The following PSMD9 variants were observed in gnomAD, a reference collection of about 807,000 sequenced individuals.
PSMD9 encodes proteasome 26S subunit, non-ATPase 9, also known as 26S proteasome non-ATPase regulatory subunit 9.
A neutral mutation model predicts 25.9 loss-of-function variants in PSMD9; 26 were observed. The observed-to-expected ratio is 1.00, with a 90% CI of 0.73 to 1.39. The LOEUF (loss-of-function observed/expected upper bound fraction) is 1.39. Ranked by LOEUF, PSMD9 falls within the 40% of genes most tolerant of loss-of-function variation. The pLI, the probability that PSMD9 is intolerant of heterozygous loss-of-function variation, is 0.00. For synonymous variants in PSMD9, 110 were observed against 114.5 expected (o/e 0.96, Z 0.25); for missense variants, 303 against 299.3 (o/e 1.01, Z -0.09).
chr12:121,899,917 G>T (rs1879342663), intron 3 of PSMD9, 72 bp downstream of exon 3: 4 of 1,538,504 alleles, frequency 2.6e-6, no homozygotes, highest in East Asian at 2.3e-5. Context: ...CGGGGATGTG[G>T]AAAGACAGAC....
At chr12:121,889,067 C>T in intron 1 of PSMD9, 73 bp downstream of exon 1, 2 of 1,515,230 alleles carry the variant, frequency 1.3e-6, no homozygotes, top group Non-Finnish European at 1.8e-6. Context: ...GATGCCAGGG[C>T]GGCCTCAGTT....
rs998959009 is a variant in PSMD9 at position 121,917,578 on chromosome 12, G to A, written c.*1267G>A. Reference sequence around the variant, plus strand: ...CTGCCAGGCAAGCCCTGTGTTCCTTGGGACTGGTTTTGCTGTGGTTGGATA... The same window carrying A: ...CTGCCAGGCAAGCCCTGTGTTCCTTAGGACTGGTTTTGCTGTGGTTGGATA... On this transcript the variant is annotated 3_prime_UTR_variant, in exon 6 of 6. Transcript: ENST00000541212. 12 of 152,216 alleles carry A rather than the reference G, an allele frequency of 7.9e-5. 1 individual carries two copies. In the East Asian group the frequency reaches 2.3e-3, roughly 29 times the overall value. The allele number at this position is 152,216 out of a possible 1,614,324, so 9.4% of individuals were successfully genotyped here.
rs371880805 is a variant in PSMD9, at chr12:121,909,338, G to T, written c.555+6231G>T. Reference sequence around the variant, plus strand: ...CCTTTTTTTTTTTTTTTAGGACAGGGTCTCTCGCTCTGCTGCCCAGGCTGG... The same window carrying T: ...CCTTTTTTTTTTTTTTTAGGACAGGTTCTCTCGCTCTGCTGCCCAGGCTGG... On this transcript the variant is annotated intron_variant, in intron 4 of 5. Transcript: ENST00000541212. Among the ~76,000 whole-genome samples the T allele has an allele frequency of 3.5e-4, 53 of 150,920 alleles. 1 individual carries two copies. The East Asian group carries it at 6.2e-3, about 18-fold the overall frequency.
chr12:121,900,755 G>A (rs562486036), intron 3 of PSMD9, among the ~76,000 whole-genome samples: 7 of 151,044 alleles, frequency 4.6e-5, no homozygotes, highest in Admixed American at 3.3e-4. Flanking sequence ...GGAGGCTTAG[G>A]TGGGCGATCA....
chr12:121,905,135 A>G (rs1342382641), intron 4 of PSMD9, among the ~76,000 whole-genome samples: 1 of 151,756 alleles, frequency 6.6e-6, no homozygotes, highest in Non-Finnish European at 1.5e-5. Context: ...CAGAGCTGCC[A>G]GTTGATTTTA....
At chr12:121,893,991 G>A (rs1011328586) in intron 1 of PSMD9, 10 of 152,082 alleles carry the variant, frequency 6.6e-5, no homozygotes, top group African/African-American at 2.2e-4. Flanking sequence ...GGAAGCTGAG[G>A]CTTAGAGAGG....
chr12:121,913,082 G>T (rs1351090405), intron 4 of PSMD9, among the ~76,000 whole-genome samples: 5 of 151,668 alleles, frequency 3.3e-5, no homozygotes, highest in Non-Finnish European at 7.4e-5. Context: ...GACTACAGGC[G>T]TCCACCACCA....
intron 2 of PSMD9, among the ~76,000 whole-genome samples, chr12:121,896,198 G>C (rs774072947): frequency 6.6e-6 from 1 of 152,014 alleles, no homozygotes; most frequent in African/African-American, 2.4e-5. Flanking sequence ...GGCCGGGTGC[G>C]GTGGCTCATG....
chr12:121,911,445 C>T (rs931387999), intron 4 of PSMD9, among the ~76,000 whole-genome samples: 4 of 152,152 alleles, frequency 2.6e-5, no homozygotes, highest in African/African-American at 9.7e-5. Context: ...TATGTATACA[C>T]CACATTATTT....
chr12:121,912,962 AG>A (rs1431599173), intron 4 of PSMD9, among the ~76,000 whole-genome samples: 3 of 129,028 alleles, frequency 2.3e-5, no homozygotes, highest in Admixed American at 8.3e-5. Context: ...TTTGAGACGG[AG>A]TCTCGCTCTG....
chr12:121,905,040 A>T (rs966534351), intron 4 of PSMD9, among the ~76,000 whole-genome samples: 4 of 151,870 alleles, frequency 2.6e-5, no homozygotes, highest in Non-Finnish European at 5.9e-5. Context: ...AGCCATCACA[A>T]TTGTACATTT....
chr12:121,890,273 A>G lies in PSMD9; in HGVS notation c.138+1279A>G, dbSNP rs1879028926. 2.0e-5 allele frequency among the ~76,000 whole-genome samples: 3 copies of G among 152,126 alleles called. No homozygotes were observed. The South Asian group carries it at 6.2e-4, about 32-fold the overall frequency. On this transcript the variant is annotated intron_variant, in intron 1 of 5. Transcript: ENST00000541212. ...AACCATTTTACTGGGTGCTGACTAT[A>G]TGCTCAAAGTGGGATTCAGACTTCA...
At chr12:121,902,102 T>G (rs1367615951) in intron 3 of PSMD9, 2 of 152,254 alleles carry the variant, frequency 1.3e-5, no homozygotes, top group African/African-American at 4.8e-5. Context: ...CGAAGCATGT[T>G]GCTGCGAACA....
At chr12:121,912,302 A>G (rs1343991168) in intron 4 of PSMD9, among the ~76,000 whole-genome samples, 1 of 152,040 alleles carries the variant, frequency 6.6e-6, no homozygotes, top group Non-Finnish European at 1.5e-5. Context: ...AAGTGCTGCT[A>G]TTATAGGCGT....
intron 1 of PSMD9, among the ~76,000 whole-genome samples, chr12:121,892,422 CG>C (rs1879111005): frequency 6.6e-6 from 1 of 151,866 alleles, no homozygotes; most frequent in South Asian, 2.1e-4. Context: ...AATTAAAGGC[CG>C]GGCATGGTGG....
chr12:121,909,977 C>A (rs1269320185), intron 4 of PSMD9, among the ~76,000 whole-genome samples: 1 of 152,022 alleles, frequency 6.6e-6, no homozygotes, highest in African/African-American at 2.4e-5. Context: ...GCCAGTGCAC[C>A]TTCTCTCAAG....
rs563939839 is a variant in PSMD9 at position 121,901,666 on chromosome 12, C to CTTT, written c.454-1315_454-1313dup. On this transcript the variant is annotated intron_variant, in intron 3 of 5. Coordinates refer to ENST00000541212, the MANE Select transcript of PSMD9 (RefSeq NM_002813.7). ...TGTCATGCCTGGCCCTTCATTCCTTCTTTTTTTTTTTTTTTTTTTTTTTTT... is the reference window on the plus strand; with the variant it reads ...TGTCATGCCTGGCCCTTCATTCCTTCTTTTTTTTTTTTTTTTTTTTTTTTTTTT... 9.4e-3 allele frequency among the ~76,000 whole-genome samples: 884 copies of CTTT among 93,562 alleles called. 185 individuals are homozygous for CTTT. The highest frequency in any genetic ancestry group is 0.046 in the African/African-American group (773 of 16,962). The allele number at this position is 93,562 out of a possible 152,430, so 61.4% of individuals were successfully genotyped here.
chr12:121,916,053 C>A, intron 5 of PSMD9, 109 bp downstream of exon 5: 1 of 1,284,930 alleles, frequency 7.8e-7, no homozygotes, highest in African/African-American at 1.5e-5. Context: ...TGGGAATCCC[C>A]AGTTTGCATG....
chr12:121,894,787 C>T lies in PSMD9; in HGVS notation c.187C>T (p.Pro63Ser), dbSNP rs1879183364. ...GCCGCTGGTGGACTGTGAGGGCTAC[C>T]CCCGGTCAGACGTGGACCTGTACCA... Reference protein sequence around the residue: ...NEPLVDCEGYPRSDVDLYQVR... With the variant: ...NEPLVDCEGYSRSDVDLYQVR... The change falls in exon 2 of 6, where the codon CCC becomes TCC. Residue 63 changes from proline (P) to serine (S), a missense_variant. Pro to Ser is a moderately conservative substitution (Grantham distance 74). Coordinates refer to ENST00000541212, the MANE Select transcript of PSMD9 (RefSeq NM_002813.7). 6.2e-7 allele frequency: 1 copy of T among 1,613,984 alleles called. No individual in the cohort carries two copies. Among genetic ancestry groups the T allele is most frequent in the Non-Finnish European group, 8.5e-7 (1 of 1,180,024 alleles).
Sources: allele counts gnomAD v4.1 joint callset (sites outside exome capture counted in the v4.1 genomes callset), GRCh38; gene constraint gnomAD v4.1.1; transcripts MANE v1.5; gene names NCBI Gene and HGNC (gene_info 2026-07-23, HGNC 2026-07-21).